TAAR2: variants seen among roughly 807,000 people sequenced by gnomAD.
TAAR2 encodes the protein trace amine-associated receptor 2.
Under a neutral mutation model 25.5 loss-of-function variants are expected in TAAR2, and 30 were observed. The observed-to-expected ratio is 1.18, with a 90% confidence interval of 0.88 to 1.60. TAAR2 has a LOEUF of 1.60. TAAR2 is among the 40% of genes most tolerant of loss of function. The probability of loss-of-function intolerance (pLI) is 0.00; values close to 1 mark genes in which losing one functional copy is unlikely to be tolerated. For missense variants in TAAR2, 481 were observed against 416.5 expected (o/e 1.15, Z -1.35); for synonymous variants, 150 against 142.4 (o/e 1.05, Z -0.38).
rs61731217 is a variant in TAAR2, at chr6:132,617,548, T to C, written c.658A>G (p.Thr220Ala). Residue 220 changes from threonine to alanine, a missense_variant, in exon 2 of 2, where the codon ACT becomes GCT. Coordinates refer to ENST00000367931, the MANE Select transcript of TAAR2 (RefSeq NM_001033080.1). ...GTTLFMAGFFTPGSMMVGIYG... is the reference protein window; with the variant it reads ...GTTLFMAGFFAPGSMMVGIYG... ...ATCCCCACCATCATAGACCCAGGAG[T>C]GAAGAAACCTGCCATAAACAAGGTG... 90 of 1,613,604 alleles carry C rather than the reference T, an allele frequency of 5.6e-5. No individual in the cohort carries two copies. In the African/African-American group the frequency reaches 1.1e-3, roughly 19 times the overall value.
intron 1 of TAAR2, among the ~76,000 whole-genome samples, chr6:132,619,442 C>G (rs1582739459): frequency 6.6e-6 from 1 of 152,082 alleles, no homozygotes; most frequent in Admixed American, 6.6e-5. Context: ...ATGCCTTTGG[C>G]CTTCAGTGAC....
intron 1 of TAAR2, among the ~76,000 whole-genome samples, chr6:132,622,416 G>A (rs1012620462): frequency 2.9e-5 from 4 of 138,476 alleles, no homozygotes; most frequent in African/African-American, 1.1e-4. Context: ...TTTTTGCCTA[G>A]TCTTTATATT....
intron 1 of TAAR2, among the ~76,000 whole-genome samples, chr6:132,619,838 G>T (rs1777351359): frequency 6.6e-6 from 1 of 152,170 alleles, no homozygotes; most frequent in Non-Finnish European, 1.5e-5. Flanking sequence ...CTCAATGGGT[G>T]AGTAGGATTT....
In TAAR2 at chr6:132,617,651, T is replaced by C. The variant is rs767209726; in HGVS notation, c.555A>G (p.Ala185=). 2.7e-5 allele frequency: 44 copies of C among 1,613,868 alleles called. No individual in the cohort carries two copies. The highest frequency in any genetic ancestry group is 3.5e-5 in the Non-Finnish European group (41 of 1,179,980). The change falls in exon 2 of 2, where the codon GCA becomes GCG. Residue 185 remains alanine (A), a synonymous_variant. Transcript: ENST00000367931. ...AGATGTCATAGCCCTCTATTCCATC[T>C]GCATAGGCCTCTGAGAAGACCACCC... ...AFGVVFSEAY[A]DGIEGYDILV...
chr6:132,617,466 C>T lies in TAAR2; in HGVS notation c.740G>A (p.Arg247Gln), dbSNP rs772848812. Reference sequence around the variant, plus strand: ...CTTCACTTGATTATTTTGATTTTCTCGCAAGTTATTGATGGCATGAGCATG... The same window carrying T: ...CTTCACTTGATTATTTTGATTTTCTTGCAAGTTATTGATGGCATGAGCATG... Reference protein sequence around the residue: ...RKHAHAINNLRENQNNQVKKD... With the variant: ...RKHAHAINNLQENQNNQVKKD... Residue 247 changes from arginine (R) to glutamine (Q), a missense_variant, in exon 2 of 2, where the codon CGA becomes CAA. Transcript: ENST00000367931. 1.1e-4 allele frequency: 176 copies of T among 1,613,622 alleles called. No homozygotes were observed. Among genetic ancestry groups the T allele is most frequent in the Non-Finnish European group, 1.4e-4 (165 of 1,179,942 alleles).
chr6:132,621,404 C>G (rs1482585113), intron 1 of TAAR2, among the ~76,000 whole-genome samples: 1 of 151,974 alleles, frequency 6.6e-6, no homozygotes, highest in Admixed American at 6.6e-5. Context: ...TCCTAATGCT[C>G]TCCCTCTCCT....
At chr6:132,619,080 G>A (rs1191387394) in intron 1 of TAAR2, among the ~76,000 whole-genome samples, 3 of 152,180 alleles carry the variant, frequency 2.0e-5, no homozygotes, top group Non-Finnish European at 2.9e-5. Flanking sequence ...TCAGAGGTGG[G>A]CACAGACCAA....
chr6:132,620,991 A>C (rs1777364416), intron 1 of TAAR2, among the ~76,000 whole-genome samples: 1 of 152,010 alleles, frequency 6.6e-6, no homozygotes, highest in Admixed American at 6.6e-5. Context: ...CCTACTGACC[A>C]GTTAGGCATC....
intron 1 of TAAR2, among the ~76,000 whole-genome samples, chr6:132,621,770 C>T (rs189921238): frequency 6.4e-4 from 97 of 152,218 alleles, no homozygotes; most frequent in African/African-American, 2.3e-3. Context: ...TGTCTACATT[C>T]ACACTTGAAT....
rs1396446001 is a variant in TAAR2 at position 132,618,113 on chromosome 6, T to C, written c.93A>G (p.Arg31=). 1 of 1,609,120 alleles carries C rather than the reference T, an allele frequency of 6.2e-7. No individual in the cohort carries two copies. The highest frequency in any genetic ancestry group is 8.5e-7 in the Non-Finnish European group (1 of 1,177,660). ...GAGATCTTTCATTTTCTGGGCAAGA[T>C]CTATTTCCATATTCAGAGCAATTGA... ...EKFNCSEYGN[R]SCPENERSLG... Residue 31 remains arginine, a synonymous_variant, in exon 2 of 2, where the codon AGA becomes AGG. Transcript: ENST00000367931.
intron 1 of TAAR2, among the ~76,000 whole-genome samples, chr6:132,618,391 G>T (rs1216441117): frequency 1.3e-5 from 2 of 152,142 alleles, no homozygotes; most frequent in Non-Finnish European, 1.5e-5. Flanking sequence ...TGTAATCCCA[G>T]CACTTTAGGA....
chr6:132,617,628 A>G lies in TAAR2; in HGVS notation c.578T>C (p.Ile193Thr), dbSNP rs757519931. Reference sequence around the variant, plus strand: ...GCAGGAACTGGAACAAGCAACCAAGATGTCATAGCCCTCTATTCCATCTGC... The same window carrying G: ...GCAGGAACTGGAACAAGCAACCAAGGTGTCATAGCCCTCTATTCCATCTGC... ...AYADGIEGYD[I>T]LVACSSSCPV... is the part of the protein sequence containing the mutation. The change falls in exon 2 of 2, where the codon ATC (isoleucine) becomes ACC (threonine). Residue 193 changes from isoleucine to threonine, a missense_variant. Coordinates refer to ENST00000367931, the MANE Select transcript of TAAR2 (RefSeq NM_001033080.1). 2.5e-6 allele frequency: 4 copies of G among 1,613,894 alleles called. No individual in the cohort carries two copies. Among genetic ancestry groups the G allele is most frequent in the Non-Finnish European group, 3.4e-6 (4 of 1,179,998 alleles).
intron 1 of TAAR2, among the ~76,000 whole-genome samples, chr6:132,618,642 GAA>G (rs879678522): frequency 1.4e-5 from 2 of 141,336 alleles, no homozygotes; most frequent in African/African-American, 5.2e-5. Flanking sequence ...TCCATCTCGA[GAA>G]AAAAAAAAAA....
At position 132,617,818 on chromosome 6, in the gene TAAR2, A is replaced by T; in HGVS notation, c.388T>A (p.Ser130Thr). 6.2e-7 allele frequency: 1 copy of T among 1,614,084 alleles called. No individual in the cohort carries two copies. Among genetic ancestry groups the T allele is most frequent in the Non-Finnish European group, 8.5e-7 (1 of 1,179,994 alleles). Residue 130 changes from serine (S) to threonine (T), a missense_variant, in exon 2 of 2, where the codon TCC becomes ACC. Physicochemically the swap from Ser to Thr is moderately conservative, Grantham distance 58 (BLOSUM62 1). Transcript: ENST00000367931. ...GCCACTGAGCAAAGATGAAAAATGGATGTTATGCTAAGCATCAGGTCAAAA... is the reference window on the plus strand; with the variant it reads ...GCCACTGAGCAAAGATGAAAAATGGTTGTTATGCTAAGCATCAGGTCAAAA... ...YSFDLMLSIT[S>T]IFHLCSVAID...
chr6:132,622,250 A>G (rs758710317), intron 1 of TAAR2, among the ~76,000 whole-genome samples: 7 of 151,788 alleles, frequency 4.6e-5, no homozygotes, highest in Non-Finnish European at 1.0e-4. Context: ...AGTGTTTTCT[A>G]TATTCCCTGA....
chr6:132,622,251 T>C (rs1777384713), intron 1 of TAAR2, among the ~76,000 whole-genome samples: 1 of 151,760 alleles, frequency 6.6e-6, no homozygotes, highest in Non-Finnish European at 1.5e-5. Context: ...GTGTTTTCTA[T>C]ATTCCCTGAG....
chr6:132,623,079 A>G (rs750956705), intron 1 of TAAR2, among the ~76,000 whole-genome samples: 3 of 152,146 alleles, frequency 2.0e-5, no homozygotes, highest in Non-Finnish European at 4.4e-5. Context: ...GTAAATAATT[A>G]GCAGGTTCAA....
chr6:132,618,756 G>A (rs970025087), intron 1 of TAAR2, among the ~76,000 whole-genome samples: 11 of 152,156 alleles, frequency 7.2e-5, no homozygotes, highest in African/African-American at 2.7e-4. Flanking sequence ...AAATTATTGA[G>A]CTGTATCTTA....
intron 1 of TAAR2, among the ~76,000 whole-genome samples, chr6:132,619,463 T>C (rs1473244458): frequency 6.6e-6 from 1 of 152,118 alleles, no homozygotes; most frequent in Non-Finnish European, 1.5e-5. Flanking sequence ...CTCACACATA[T>C]CAGACCTTAC....
Sources: gnomAD v4.1 joint callset for allele counts (sites outside exome capture counted in the v4.1 genomes callset) on GRCh38, gnomAD v4.1.1 for gene constraint, MANE v1.5 for transcripts, NCBI Gene and HGNC (gene_info 2026-07-23, HGNC 2026-07-21) for gene names.